LRFN2: variants seen among roughly 807,000 people sequenced by gnomAD.
LRFN2 encodes the protein leucine rich repeat and fibronectin type III domain containing 2, also known as leucine-rich repeat and fibronectin type-III domain-containing protein 2.
LRFN2 carries 18 observed loss-of-function variants against 37.3 expected under a neutral mutation model. That is an observed-to-expected ratio of 0.48 (90% CI 0.33 to 0.72). The LOEUF (loss-of-function observed/expected upper bound fraction) is 0.72. Ranked by LOEUF, LRFN2 falls within the 30% of genes least tolerant of loss-of-function variation. LRFN2 has a pLI of 0.02. For missense variants in LRFN2, 1,006 were observed against 1,060.7 expected (o/e 0.95, Z 0.72); for synonymous variants, 556 against 466.6 (o/e 1.19, Z -2.47).
chr6:40,417,032 C>T (rs1763108533), intron 2 of LRFN2, among the ~76,000 whole-genome samples: 1 of 152,190 alleles, frequency 6.6e-6, no homozygotes, highest in Non-Finnish European at 1.5e-5. Flanking sequence ...CCTTTTGCTG[C>T]AGGACAGAAG....
chr6:40,572,064 G>A (rs1055075059), intron 1 of LRFN2, among the ~76,000 whole-genome samples: 1 of 152,222 alleles, frequency 6.6e-6, no homozygotes, highest in African/African-American at 2.4e-5. Flanking sequence ...CTCCCGTTCT[G>A]CTCCCACGCT....
chr6:40,423,974 A>G (rs1763288421), intron 2 of LRFN2, among the ~76,000 whole-genome samples: 1 of 152,182 alleles, frequency 6.6e-6, no homozygotes, highest in Non-Finnish European at 1.5e-5. Context: ...CTTCTTTTAC[A>G]TGAGATGTTA....
At chr6:40,436,031 A>G (rs561509445) in intron 1 of LRFN2, among the ~76,000 whole-genome samples, 26 of 152,184 alleles carry the variant, frequency 1.7e-4, no homozygotes, top group Non-Finnish European at 3.2e-4. Flanking sequence ...CCTAGTGGCC[A>G]TATTTTTTAA....
chr6:40,508,749 C>T (rs1449837670), intron 1 of LRFN2, among the ~76,000 whole-genome samples: 1 of 152,160 alleles, frequency 6.6e-6, no homozygotes, highest in African/African-American at 2.4e-5. Flanking sequence ...TCCATAAATG[C>T]TCAAATATGC....
intron 1 of LRFN2, among the ~76,000 whole-genome samples, chr6:40,548,708 G>A (rs407295): frequency 0.094 from 14,294 of 152,200 alleles, 797 homozygotes; most frequent in Non-Finnish European, 0.12. Flanking sequence ...TCCTATCAGA[G>A]TGAAGCTCAG....
chr6:40,538,405 C>A lies in LRFN2; in HGVS notation c.-19+48536G>T, dbSNP rs1472102307. ...ATTCCAGAGGTGGAAGCCACCCCCA[C>A]CCCAGCTCAGGATTCCTGCACCCCA... is the stretch of plus-strand genomic sequence containing the variant. On this transcript the variant is annotated intron_variant, in intron 1 of 2. Transcript: ENST00000338305. 2.0e-5 allele frequency among the ~76,000 whole-genome samples: 3 copies of A among 152,188 alleles called. No homozygotes were observed. In the East Asian group the frequency reaches 5.8e-4, roughly 29 times the overall value.
At position 40,572,644 on chromosome 6, in the gene LRFN2, C is replaced by G. The variant is rs1011276750; in HGVS notation, c.-19+14297G>C. Among the ~76,000 whole-genome samples, 6 of 152,228 alleles carry G rather than the reference C, an allele frequency of 3.9e-5. No individual in the cohort carries two copies. The East Asian group carries it at 5.8e-4, about 15-fold the overall frequency. On this transcript the variant is annotated intron_variant, in intron 1 of 2. Transcript: ENST00000338305. ...CTGAACATCATTTAGAATTTATAGACTCTTGTCCCTGTCCTTTCTGTTTAT... is the reference window on the plus strand; with the variant it reads ...CTGAACATCATTTAGAATTTATAGAGTCTTGTCCCTGTCCTTTCTGTTTAT...
intron 1 of LRFN2, among the ~76,000 whole-genome samples, chr6:40,571,983 G>A (rs1191763310): frequency 6.6e-6 from 1 of 152,114 alleles, no homozygotes; most frequent in Non-Finnish European, 1.5e-5. Context: ...CTCCAAAACA[G>A]GGGGGGCTCC....
At chr6:40,583,893 G>T (rs536885406) in intron 1 of LRFN2, among the ~76,000 whole-genome samples, 2 of 152,084 alleles carry the variant, frequency 1.3e-5, no homozygotes, top group South Asian at 4.1e-4. Context: ...CGGTTGGGGG[G>T]GTATTTTACA....
At chr6:40,574,055 T>G (rs146073859) in intron 1 of LRFN2, among the ~76,000 whole-genome samples, 4 of 152,342 alleles carry the variant, frequency 2.6e-5, no homozygotes, top group Admixed American at 6.5e-5. Context: ...GTGGTCACCC[T>G]AGACTTGGAG....
At chr6:40,456,722 G>A (rs1038194311) in intron 1 of LRFN2, among the ~76,000 whole-genome samples, 2 of 152,286 alleles carry the variant, frequency 1.3e-5, no homozygotes, top group African/African-American at 2.4e-5. Context: ...GCTCTCCATA[G>A]TTACACAGTT....
At chr6:40,401,456 A>G (rs731575) in intron 2 of LRFN2, among the ~76,000 whole-genome samples, 40,239 of 152,046 alleles carry the variant, frequency 0.26, 5,753 homozygotes, top group Admixed American at 0.39. Context: ...CGTACTGGGT[A>G]CCTAAGTCTC....
At chr6:40,534,939 A>G (rs1766422153) in intron 1 of LRFN2, among the ~76,000 whole-genome samples, 2 of 152,210 alleles carry the variant, frequency 1.3e-5, no homozygotes, top group African/African-American at 2.4e-5. Flanking sequence ...AGGCTCAGAA[A>G]GCTGGAACCA....
intron 1 of LRFN2, among the ~76,000 whole-genome samples, chr6:40,546,093 C>T (rs989926792): frequency 1.8e-4 from 27 of 152,042 alleles, no homozygotes; most frequent in African/African-American, 5.1e-4. Flanking sequence ...GACCAGGCTG[C>T]CTGGCTGTTT....
At chr6:40,459,084 A>G (rs1195807912) in intron 1 of LRFN2, among the ~76,000 whole-genome samples, 3 of 152,248 alleles carry the variant, frequency 2.0e-5, no homozygotes, top group Admixed American at 6.5e-5. Flanking sequence ...TGAGACCAAC[A>G]TAACAAAAAG....
intron 1 of LRFN2, among the ~76,000 whole-genome samples, chr6:40,491,073 G>A (rs1286668316): frequency 3.3e-5 from 5 of 152,170 alleles, no homozygotes; most frequent in Non-Finnish European, 2.9e-5. Context: ...TGGAGATGGC[G>A]GTCACGTAGG....
chr6:40,448,596 T>C (rs1250232507), intron 1 of LRFN2, among the ~76,000 whole-genome samples: 1 of 152,246 alleles, frequency 6.6e-6, no homozygotes, highest in African/African-American at 2.4e-5. Flanking sequence ...TATTAATGGC[T>C]GATTATCTTA....
intron 1 of LRFN2, among the ~76,000 whole-genome samples, chr6:40,548,164 G>A (rs933341521): frequency 6.6e-6 from 1 of 152,278 alleles, no homozygotes; most frequent in East Asian, 1.9e-4. Context: ...ACCTGGCTGG[G>A]CACAGTGGCT....
intron 1 of LRFN2, among the ~76,000 whole-genome samples, chr6:40,492,126 T>G (rs980055340): frequency 6.6e-6 from 1 of 152,212 alleles, no homozygotes; most frequent in Non-Finnish European, 1.5e-5. Flanking sequence ...AAAGGGACCC[T>G]GTGGTCTAAG....
Sources: gnomAD v4.1 joint callset for allele counts (sites outside exome capture counted in the v4.1 genomes callset) on GRCh38, gnomAD v4.1.1 for gene constraint, MANE v1.5 for transcripts, NCBI Gene and HGNC (gene_info 2026-07-23, HGNC 2026-07-21) for gene names.